Variants in RFLNA observed in about 807,000 individuals in gnomAD.
RFLNA encodes the protein refilin A, also known as refilin-A.
RFLNA carries 5 observed loss-of-function variants against 7.8 expected under a neutral mutation model. That is an observed-to-expected ratio of 0.64 (90% confidence interval 0.34 to 1.35). RFLNA has a LOEUF of 1.35. Among genes scored for constraint, RFLNA ranks in the 40% most tolerant of loss-of-function variants. The pLI, the probability that RFLNA is intolerant of heterozygous loss-of-function variation, is 0.04. For missense variants in RFLNA, 278 were observed against 305.5 expected (o/e 0.91, Z 0.67); for synonymous variants, 141 against 131.3 (o/e 1.07, Z -0.50).
intron 1 of RFLNA, among the ~76,000 whole-genome samples, chr12:124,297,507 C>T (rs2033949966): frequency 6.6e-6 from 1 of 152,184 alleles, no homozygotes; most frequent in Admixed American, 6.5e-5. Flanking sequence ...ATGAAGCCTA[C>T]ACTCCAATTA....
chr12:124,309,321 T>C (rs912964748), intron 1 of RFLNA, among the ~76,000 whole-genome samples: 1 of 152,216 alleles, frequency 6.6e-6, no homozygotes, highest in Non-Finnish European at 1.5e-5. Flanking sequence ...TCCTGACAGT[T>C]GGAATCTTAG....
chr12:124,296,766 A>G (rs1002258195), intron 1 of RFLNA, among the ~76,000 whole-genome samples: 2 of 152,160 alleles, frequency 1.3e-5, no homozygotes, highest in African/African-American at 2.4e-5. Flanking sequence ...GAGAATCTTT[A>G]AAACCCACCC....
At chr12:124,297,213 C>T (rs947860776) in intron 1 of RFLNA, among the ~76,000 whole-genome samples, 7 of 152,152 alleles carry the variant, frequency 4.6e-5, no homozygotes, top group African/African-American at 1.4e-4. Context: ...TTTCTGGAAG[C>T]GTTCTCTGCC....
chr12:124,308,076 G>C (rs1410057417), intron 1 of RFLNA, among the ~76,000 whole-genome samples: 1 of 151,888 alleles, frequency 6.6e-6, no homozygotes, highest in Non-Finnish European at 1.5e-5. Context: ...CTGCCTCCTG[G>C]GTTTGAGCGA....
chr12:124,314,862 A>C lies in RFLNA; in HGVS notation c.*337A>C. ...CCATGGAGTGCCCTTGAAGCAGAGAACAGCCCCGAGCAGTGTGAGGACAGA... is the reference window on the plus strand; with the variant it reads ...CCATGGAGTGCCCTTGAAGCAGAGACCAGCCCCGAGCAGTGTGAGGACAGA... On this transcript the variant is annotated 3_prime_UTR_variant, in exon 3 of 3. Coordinates refer to ENST00000546355, the MANE Select transcript of RFLNA (RefSeq NM_001365156.1). 5 of 468,418 alleles carry C rather than the reference A, an allele frequency of 1.1e-5. No individual in the cohort carries two copies. The highest frequency in any genetic ancestry group is 1.0e-4 in the East Asian group (2 of 19,526). The allele number at this position is 468,418 out of a possible 1,614,324, so 29.0% of individuals were successfully genotyped here. A position where few individuals can be genotyped will look rare whatever the true frequency, so the allele number is the denominator to read the frequency against.
Position 124,289,189 on chromosome 12 carries a change from G to T in RFLNA, c.-218G>T, listed in dbSNP as rs1057449636. The T allele has an allele frequency of 1.3e-5, 2 of 152,098 alleles. No individual in the cohort carries two copies. The highest frequency in any genetic ancestry group is 6.5e-5 in the Admixed American group (1 of 15,270). The allele number at this position is 152,098 out of a possible 1,614,324, so 9.4% of individuals were successfully genotyped here. On this transcript the variant is annotated 5_prime_UTR_variant, in exon 1 of 3. Coordinates refer to the RFLNA transcript ENST00000324038. The surrounding 1 kb of genome is among the most constrained non-coding windows in gnomAD (Gnocchi z 5.0). Reference sequence around the variant, plus strand: ...ACACTCAGTCTCTGATTTTATCCCTGCCCTGGCTTAATTAAGTGCTCTGAA... The same window carrying T: ...ACACTCAGTCTCTGATTTTATCCCTTCCCTGGCTTAATTAAGTGCTCTGAA...
At chr12:124,304,489 G>A (rs2034103978) in intron 1 of RFLNA, among the ~76,000 whole-genome samples, 1 of 152,232 alleles carries the variant, frequency 6.6e-6, no homozygotes, top group Non-Finnish European at 1.5e-5. Flanking sequence ...CAGGTGGGGA[G>A]CGGGACCGGG....
At chr12:124,311,428 A>T (rs1761814030) in intron 1 of RFLNA, among the ~76,000 whole-genome samples, 1 of 152,152 alleles carries the variant, frequency 6.6e-6, no homozygotes, top group South Asian at 2.1e-4. Flanking sequence ...AGGGCTGGGA[A>T]CCCTTCCTCC....
At chr12:124,311,633 A>T in intron 1 of RFLNA, 185 bp from the exon 2 acceptor site, 1 of 514,170 alleles carries the variant, frequency 1.9e-6, no homozygotes, top group Non-Finnish European at 3.4e-6. Context: ...CCTGGATCCC[A>T]TGGAGGGCGT....
upstream of RFLNA, among the ~76,000 whole-genome samples, chr12:124,290,676 G>A (rs1280119708): frequency 6.6e-6 from 1 of 152,218 alleles, no homozygotes; most frequent in Non-Finnish European, 1.5e-5. This position sits in a 1 kb window ranked among gnomAD's most constrained non-coding sequence, Gnocchi z 4.0. Flanking sequence ...TTCACACAGA[G>A]AGGCATGAGG....
At chr12:124,297,934 T>A (rs1295739122) in intron 1 of RFLNA, among the ~76,000 whole-genome samples, 1 of 152,026 alleles carries the variant, frequency 6.6e-6, no homozygotes, top group African/African-American at 2.4e-5. Context: ...GGGAGAGTGC[T>A]TTTTAGGTGC....
intron 1 of RFLNA, among the ~76,000 whole-genome samples, chr12:124,305,378 G>T (rs1007694225): frequency 2.0e-5 from 3 of 152,220 alleles, no homozygotes; most frequent in Non-Finnish European, 4.4e-5. Context: ...TGGAGGCTGT[G>T]GTGGCCCAGA....
intron 1 of RFLNA, among the ~76,000 whole-genome samples, chr12:124,309,365 G>T (rs979561276): frequency 6.6e-6 from 1 of 152,364 alleles, no homozygotes; most frequent in African/African-American, 2.4e-5. Context: ...AGCAGTGGGG[G>T]ATTCAGGCAG....
Position 124,295,595 on chromosome 12 carries a change from G to C in RFLNA, c.166G>C (p.Gly56Arg), listed in dbSNP as rs2033894050. The C allele has an allele frequency of 1.8e-6, 2 of 1,117,620 alleles. No individual in the cohort carries two copies. Among genetic ancestry groups the C allele is most frequent in the African/African-American group, 1.8e-5 (1 of 55,164 alleles). The allele number at this position is 1,117,620 out of a possible 1,614,324, so 69.2% of individuals were successfully genotyped here. The part of the protein sequence containing the change: ...GILDARAGGA[G>R]ASSEPPGPSE... ...CCTCGACGCGCGCGCGGGGGGCGCCGGCGCCTCCTCGGAGCCCCCGGGACC... is the reference window on the plus strand; with the variant it reads ...CCTCGACGCGCGCGCGGGGGGCGCCCGCGCCTCCTCGGAGCCCCCGGGACC... The change falls in exon 1 of 3, where the codon GGC (glycine) becomes CGC (arginine). Residue 56 changes from glycine to arginine, a missense_variant. Gly to Arg is a moderately radical substitution (Grantham distance 125, BLOSUM62 -2). Coordinates refer to ENST00000546355, the MANE Select transcript of RFLNA (RefSeq NM_001365156.1).
chr12:124,296,138 C>CTCT (rs1343473848), intron 1 of RFLNA, among the ~76,000 whole-genome samples: 8 of 1,048 alleles, frequency 7.6e-3, no homozygotes, highest in African/African-American at 0.013. Context: ...CTCTCTCTCT[C>CTCT]TTCTTCTCTT....
chr12:124,309,623 C>T (rs1415694689), intron 1 of RFLNA, among the ~76,000 whole-genome samples: 2 of 152,248 alleles, frequency 1.3e-5, no homozygotes, highest in Non-Finnish European at 2.9e-5. Context: ...TTTAAAGCCC[C>T]GCCCTTCACC....
intron 1 of RFLNA, among the ~76,000 whole-genome samples, chr12:124,308,427 G>A (rs997811504): frequency 6.6e-6 from 1 of 150,916 alleles, no homozygotes; most frequent in Admixed American, 6.6e-5. Context: ...GTGGACATGG[G>A]CTTTGGGGGG....
At chr12:124,293,440 AT>A, upstream of RFLNA, among the ~76,000 whole-genome samples, 1 of 152,246 alleles carries the variant, frequency 6.6e-6, no homozygotes, top group South Asian at 2.1e-4. Context: ...GTGAATTTCC[AT>A]GTGTCTGTGT....
chr12:124,307,356 C>A (rs758051549), intron 1 of RFLNA, among the ~76,000 whole-genome samples: 38 of 152,132 alleles, frequency 2.5e-4, no homozygotes, highest in Non-Finnish European at 8.8e-5. Context: ...AAGGGAGCTT[C>A]TTCCCCCAGG....
Sources: allele counts gnomAD v4.1 joint callset (sites outside exome capture counted in the v4.1 genomes callset), GRCh38; gene constraint gnomAD v4.1.1; non-coding constraint Gnocchi (gnomAD v3.1); transcripts MANE v1.5; gene names NCBI Gene and HGNC (gene_info 2026-07-23, HGNC 2026-07-21).